ELMO2: variants seen among roughly 807,000 people sequenced by gnomAD.
ELMO2 encodes the protein engulfment and cell motility 2.
A neutral mutation model predicts 96.2 loss-of-function variants in ELMO2; 37 were observed. The ratio of observed to expected loss-of-function variants is 0.38; its 90% CI spans 0.30 to 0.51. The LOEUF is 0.51. Ranked by LOEUF, ELMO2 falls within the 20% of genes least tolerant of loss-of-function variation. The pLI is 0.88. For missense variants in ELMO2, 561 were observed against 912.6 expected (o/e 0.61, Z 4.96); for synonymous variants, 315 against 329.4 (o/e 0.96, Z 0.47).
intron 7 of ELMO2, among the ~76,000 whole-genome samples, chr20:46,388,330 C>T (rs2060085859): frequency 6.6e-6 from 1 of 152,172 alleles, no homozygotes; most frequent in African/African-American, 2.4e-5. Context: ...TGATTAGTTA[C>T]TCGATTTGGC....
chr20:46,382,347 G>T, intron 10 of ELMO2: 1 of 1,076,768 alleles, frequency 9.3e-7, no homozygotes, highest in Non-Finnish European at 1.3e-6. Context: ...AGCCATCCAA[G>T]AAAGACAAGG....
intron 11 of ELMO2, among the ~76,000 whole-genome samples, chr20:46,379,335 C>T (rs993959065): frequency 6.6e-6 from 1 of 152,052 alleles, no homozygotes; most frequent in African/African-American, 2.4e-5. Flanking sequence ...CTCTCCTCCT[C>T]CACTCCCACC....
chr20:46,383,512 GAA>G lies in ELMO2; in HGVS notation c.678-20_678-19del. The G allele has an allele frequency of 6.2e-7, 1 of 1,606,678 alleles. No individual in the cohort carries two copies. ...GGTTGGAGCTGTGTCAATGGAGAAA[GAA>G]GAGAGAGGGAGATTAGAAGACTGAA... On this transcript the variant is annotated intron_variant, in intron 9 of 21. Transcript: ENST00000290246.
Position 46,373,398 on chromosome 20 carries a change from C to G in ELMO2, c.1416+1G>C, listed in dbSNP as rs746158395. ...CCTCAGAGCAGCCCGGAGACACTGA[C>G]CTTGTTGAAGTCCTCTGCTGTTGCC... On this transcript the variant is annotated splice_donor_variant, in intron 16 of 21. Transcript: ENST00000290246. LOFTEE classifies it high-confidence loss of function. 6.2e-7 allele frequency: 1 copy of G among 1,614,152 alleles called. No homozygotes were observed. Among genetic ancestry groups the G allele is most frequent in the Non-Finnish European group, 8.5e-7 (1 of 1,180,012 alleles).
intron 9 of ELMO2, among the ~76,000 whole-genome samples, chr20:46,384,179 G>A (rs1396105333): frequency 6.6e-6 from 1 of 152,178 alleles, no homozygotes; most frequent in Non-Finnish European, 1.5e-5. Context: ...TATGTCTGGA[G>A]GTGAGATAAT....
rs1217548082 is a variant in ELMO2 at position 46,373,544 on chromosome 20, G to A, written c.1280-9C>T. 4 of 1,612,962 alleles carry A rather than the reference G, an allele frequency of 2.5e-6. No individual in the cohort carries two copies. The highest frequency in any genetic ancestry group is 3.4e-6 in the Non-Finnish European group (4 of 1,179,278). ...ATTGCGTCCTTCATTTGCTGTGGAA[G>A]TGAAAAAACAGGGAGAAGATGAAGC... is the stretch of plus-strand genomic sequence containing the variant. On this transcript the variant is annotated splice_polypyrimidine_tract_variant and intron_variant, in intron 15 of 21. Transcript: ENST00000290246.
In ELMO2 at chr20:46,371,921, G is replaced by C. The variant is rs747312721; in HGVS notation, c.1465C>G (p.Pro489Ala). Residue 489 changes from proline to alanine, a missense_variant, in exon 17 of 22, where the codon CCC (proline) becomes GCC (alanine). Transcript: ENST00000290246. The surrounding 1 kb of genome is among the most constrained non-coding windows in gnomAD (Gnocchi z 5.9). Reference sequence around the variant, plus strand: ...CTCTTGAACTGATCCAAAGAGTTGGGTTTGGAGGGCAAAGCTCGAGTGATT... The same window carrying C: ...CTCTTGAACTGATCCAAAGAGTTGGCTTTGGAGGGCAAAGCTCGAGTGATT... ...EQITRALPSK[P>A]NSLDQFKSKL... 7 of 1,614,180 alleles carry C rather than the reference G, an allele frequency of 4.3e-6. No homozygotes were observed. The highest frequency in any genetic ancestry group is 5.9e-6 in the Non-Finnish European group (7 of 1,180,030).
intron 9 of ELMO2, among the ~76,000 whole-genome samples, chr20:46,385,123 G>A (rs1418472696): frequency 2.0e-5 from 3 of 152,156 alleles, no homozygotes; most frequent in Admixed American, 6.5e-5. Context: ...CCAAATCTGG[G>A]AGCTATGACT....
chr20:46,375,168 C>T lies in ELMO2; in HGVS notation c.1065+68G>A. 1 of 1,565,536 alleles carries T rather than the reference C, an allele frequency of 6.4e-7. No individual in the cohort carries two copies. Among genetic ancestry groups the T allele is most frequent in the Non-Finnish European group, 8.6e-7 (1 of 1,157,044 alleles). The stretch of plus-strand genomic sequence containing the variant: ...ATGGGGTTGGTTGTCAGAGCTCTGT[C>T]TGGGTGGGACCATTGACTTCCCATC... On this transcript the variant is annotated intron_variant, in intron 13 of 21. Transcript: ENST00000290246. This position sits in a 1 kb window ranked among gnomAD's most constrained non-coding sequence, Gnocchi z 4.6.
intron 6 of ELMO2, among the ~76,000 whole-genome samples, chr20:46,391,862 G>T (rs1276016809): frequency 6.6e-6 from 1 of 152,076 alleles, no homozygotes; most frequent in African/African-American, 2.4e-5. Flanking sequence ...TTTGATTTGT[G>T]AAACACATGA....
chr20:46,371,887 C>T lies in ELMO2; in HGVS notation c.1499G>A (p.Arg500His), dbSNP rs760009580. The T allele has an allele frequency of 1.4e-5, 22 of 1,614,212 alleles. No individual in the cohort carries two copies. Among genetic ancestry groups the T allele is most frequent in the East Asian group, 4.5e-5 (2 of 44,884 alleles). Residue 500 changes from arginine to histidine, a missense_variant, in exon 17 of 22, where the codon CGT (arginine) becomes CAT (histidine). Physicochemically the swap from Arg to His is conservative, Grantham distance 29. Coordinates refer to ENST00000290246, the MANE Select transcript of ELMO2 (RefSeq NM_133171.5). The surrounding 1 kb of genome is among the most constrained non-coding windows in gnomAD (Gnocchi z 5.9). ...NSLDQFKSKLRSLSYSEILRL... is the reference protein window; with the variant it reads ...NSLDQFKSKLHSLSYSEILRL... ...TAGAATCTCAGAGTAACTCAGGCTA[C>T]GCAATTTGCTCTTGAACTGATCCAA... is the stretch of plus-strand genomic sequence containing the variant.
At chr20:46,376,784 C>T in intron 11 of ELMO2, 1 of 1,289,298 alleles carries the variant, frequency 7.8e-7, no homozygotes, top group Non-Finnish European at 1.0e-6. Flanking sequence ...ACCACTATGT[C>T]CTTCAATTTC....
intron 1 of ELMO2, among the ~76,000 whole-genome samples, chr20:46,402,653 C>T (rs1478529022): frequency 6.6e-6 from 1 of 152,192 alleles, no homozygotes; most frequent in African/African-American, 2.4e-5. Flanking sequence ...CAATACTGAC[C>T]ATAACAGCAC....
At chr20:46,384,779 C>T (rs374281339) in intron 9 of ELMO2, among the ~76,000 whole-genome samples, 7 of 149,732 alleles carry the variant, frequency 4.7e-5, no homozygotes, top group South Asian at 2.1e-4. Context: ...GACAACACAG[C>T]GAGACCCTGT....
chr20:46,394,351 T>C, intron 3 of ELMO2, 54 bp downstream of exon 3: 1 of 1,580,088 alleles, frequency 6.3e-7, no homozygotes, highest in Non-Finnish European at 8.7e-7. Flanking sequence ...TCCTCTGCCA[T>C]GCACTCCCCA....
At chr20:46,390,443 A>G (rs1167966113) in intron 6 of ELMO2, among the ~76,000 whole-genome samples, 1 of 152,218 alleles carries the variant, frequency 6.6e-6, no homozygotes, top group Non-Finnish European at 1.5e-5. Context: ...AAACTTTAAG[A>G]ACATCAAGGA....
rs1423591668 is a variant in ELMO2 at position 46,371,737 on chromosome 20, T to C, written c.1581-46A>G. 1 of 1,613,714 alleles carries C rather than the reference T, an allele frequency of 6.2e-7. No individual in the cohort carries two copies. The highest frequency in any genetic ancestry group is 2.2e-5 in the East Asian group (1 of 44,894). Reference sequence around the variant, plus strand: ...AGTGAGCGGAAGGTCATGGGGACAGTGGAGCTCTGGAAGGAAAGCAGAGCT... The same window carrying C: ...AGTGAGCGGAAGGTCATGGGGACAGCGGAGCTCTGGAAGGAAAGCAGAGCT... On this transcript the variant is annotated intron_variant, in intron 17 of 21. Coordinates refer to ENST00000290246, the MANE Select transcript of ELMO2 (RefSeq NM_133171.5). This position sits in a 1 kb window ranked among gnomAD's most constrained non-coding sequence, Gnocchi z 5.9.
In ELMO2 at chr20:46,387,410, C is replaced by G; in HGVS notation, c.453G>C (p.Leu151=). 1 of 1,614,014 alleles carries G rather than the reference C, an allele frequency of 6.2e-7. No individual in the cohort carries two copies. The highest frequency in any genetic ancestry group is 8.5e-7 in the Non-Finnish European group (1 of 1,179,980). Residue 151 remains leucine (L), a synonymous_variant, in exon 8 of 22, where the codon CTG becomes CTC. Coordinates refer to ENST00000290246, the MANE Select transcript of ELMO2 (RefSeq NM_133171.5). ...SHYSEMLAFT[L]TAFLELMDHG... is the part of the protein sequence containing the mutation. Reference sequence around the variant, plus strand: ...GGTCCATGAGCTCTAGGAAGGCAGTCAGGGTGAATGCCAGCATCTCACTGT... The same window carrying G: ...GGTCCATGAGCTCTAGGAAGGCAGTGAGGGTGAATGCCAGCATCTCACTGT...
intron 1 of ELMO2, among the ~76,000 whole-genome samples, chr20:46,399,371 G>A (rs1336357554): frequency 6.6e-6 from 1 of 152,162 alleles, no homozygotes; most frequent in Admixed American, 6.5e-5. Context: ...ATTTCTATAA[G>A]GCAGGCCATG....
Sources: allele counts gnomAD v4.1 joint callset (sites outside exome capture counted in the v4.1 genomes callset), GRCh38; gene constraint gnomAD v4.1.1; non-coding constraint Gnocchi (gnomAD v3.1); transcripts MANE v1.5; gene names NCBI Gene and HGNC (gene_info 2026-07-23, HGNC 2026-07-21).